The following MYO3B variants were observed in gnomAD, a reference collection of about 807,000 sequenced individuals.
MYO3B encodes the protein myosin-IIIb.
In MYO3B, 156 loss-of-function variants were observed where a neutral mutation model predicts 174.6. The ratio of observed to expected loss-of-function variants is 0.89; its 90% CI spans 0.78 to 1.02. The LOEUF (loss-of-function observed/expected upper bound fraction) is 1.02. Among genes scored for constraint, MYO3B ranks in the 50% least tolerant of loss-of-function variants. The probability of loss-of-function intolerance (pLI) is 0.00; values close to 1 mark genes in which losing one functional copy is unlikely to be tolerated. For missense variants in MYO3B, 1,632 were observed against 1,639.4 expected (o/e 1.00, Z 0.08); for synonymous variants, 563 against 569.1 (o/e 0.99, Z 0.15).
chr2:170,235,385 G>C lies in MYO3B; in HGVS notation c.604-606G>C, dbSNP rs148324571. Among the ~76,000 whole-genome samples, 1,152 of 152,308 alleles carry C rather than the reference G, an allele frequency of 7.6e-3. 2 individuals carry two copies. The highest frequency in any genetic ancestry group is 0.012 in the Non-Finnish European group (827 of 68,022). ...AAGCCCAGGGTCATTTTCTGGTTCT[G>C]CTGCTCTTGTACCTAGTCAGGCCAA... is the stretch of plus-strand genomic sequence containing the variant. On this transcript the variant is annotated intron_variant, in intron 6 of 34. Transcript: ENST00000408978.
Position 170,399,259 on chromosome 2 carries a change from AAAAAAAAGAGAG to A in MYO3B, c.1792-927_1792-916del, listed in dbSNP as rs1319062573. On this transcript the variant is annotated intron_variant, in intron 16 of 34. Coordinates refer to ENST00000408978, the MANE Select transcript of MYO3B (RefSeq NM_138995.5). ...TTCCGTCTCAAAAAAAAAAAAAAAAAAAAAAAAGAGAGAGACCAGTCTGGCCAACAGGGCAAA... is the reference window on the plus strand; with the variant it reads ...TTCCGTCTCAAAAAAAAAAAAAAAAAAGACCAGTCTGGCCAACAGGGCAAA... 1.1e-3 allele frequency among the ~76,000 whole-genome samples: 141 copies of A among 123,740 alleles called. 25 individuals are homozygous for A. The highest frequency in any genetic ancestry group is 1.8e-3 in the Non-Finnish European group (105 of 57,518). 81.2% of individuals were successfully genotyped at this position (123,740 alleles called of 152,430 possible). A position where few individuals can be genotyped will look rare whatever the true frequency, so the allele number is the denominator to read the frequency against.
chr2:170,184,201 C>T (rs558741947), intron 1 of MYO3B, among the ~76,000 whole-genome samples: 7 of 152,204 alleles, frequency 4.6e-5, no homozygotes, highest in African/African-American at 1.4e-4. Context: ...CTTTGTATTA[C>T]AATCTAATTA....
intron 28 of MYO3B, among the ~76,000 whole-genome samples, chr2:170,504,667 A>G (rs1687505914): frequency 6.6e-6 from 1 of 152,180 alleles, no homozygotes; most frequent in South Asian, 2.1e-4. Context: ...GGCGGCCACC[A>G]TTAGGAACTC....
intron 32 of MYO3B, among the ~76,000 whole-genome samples, chr2:170,551,351 T>TAATTAATTA (rs1553520402): frequency 7.5e-6 from 1 of 133,626 alleles, no homozygotes; most frequent in African/African-American, 2.7e-5. Flanking sequence ...TTAATTTAAT[T>TAATTAATTA]ATTTATTTAT....
chr2:170,365,212 A>G (rs2094189680), intron 8 of MYO3B, among the ~76,000 whole-genome samples: 1 of 152,216 alleles, frequency 6.6e-6, no homozygotes, highest in Non-Finnish European at 1.5e-5. Context: ...GAGTTGAGGA[A>G]TTGACCTCAT....
chr2:170,402,077 T>C (rs1227158428), intron 18 of MYO3B, among the ~76,000 whole-genome samples: 2 of 152,224 alleles, frequency 1.3e-5, no homozygotes, highest in Admixed American at 6.5e-5. Context: ...TTTGAGAGAA[T>C]AGTCTTGGCT....
intron 30 of MYO3B, among the ~76,000 whole-genome samples, chr2:170,541,642 C>T (rs941792542): frequency 6.6e-6 from 1 of 152,070 alleles, no homozygotes; most frequent in Non-Finnish European, 1.5e-5. Context: ...TCTTACTGAT[C>T]TACATGGCCC....
intron 32 of MYO3B, among the ~76,000 whole-genome samples, chr2:170,607,851 G>A (rs1172648248): frequency 5.3e-5 from 8 of 152,088 alleles, no homozygotes; most frequent in African/African-American, 7.2e-5. Flanking sequence ...TTTAGTAGAC[G>A]CTCTAGGTAA....
chr2:170,362,976 T>G (rs2094172695), intron 8 of MYO3B, among the ~76,000 whole-genome samples: 1 of 152,218 alleles, frequency 6.6e-6, no homozygotes, highest in Non-Finnish European at 1.5e-5. Context: ...ATATTTAACC[T>G]ATAATTAGTG....
intron 25 of MYO3B, among the ~76,000 whole-genome samples, chr2:170,481,572 C>T (rs1685690511): frequency 6.7e-6 from 1 of 150,314 alleles, no homozygotes; most frequent in African/African-American, 2.4e-5. Flanking sequence ...TGAGATGTTT[C>T]AAAAAAAAAT....
At chr2:170,227,971 G>A (rs1437776892) in intron 6 of MYO3B, among the ~76,000 whole-genome samples, 1 of 152,122 alleles carries the variant, frequency 6.6e-6, no homozygotes, top group Non-Finnish European at 1.5e-5. Flanking sequence ...AATTGTAGAG[G>A]TTCTCCTTGT....
intron 5 of MYO3B, among the ~76,000 whole-genome samples, chr2:170,215,549 C>A (rs1297212890): frequency 9.6e-4 from 146 of 152,076 alleles, no homozygotes; most frequent in African/African-American, 3.3e-3. Flanking sequence ...TTTAGTGAAA[C>A]ACTTTAAACG....
chr2:170,431,730 A>AATTTGTTATCTGTGC (rs1231007305), intron 22 of MYO3B, among the ~76,000 whole-genome samples: 5 of 152,206 alleles, frequency 3.3e-5, no homozygotes, highest in Non-Finnish European at 5.9e-5. Context: ...AAAGAGAGTG[A>AATTTGTTATCTGTGC]ATTTGTTATC....
chr2:170,513,864 A>G (rs1226958895), intron 28 of MYO3B, among the ~76,000 whole-genome samples: 1 of 152,172 alleles, frequency 6.6e-6, no homozygotes, highest in Non-Finnish European at 1.5e-5. Flanking sequence ...AGTCAACCAG[A>G]AGGAGGGAGA....
rs116176749 is a variant in MYO3B, at chr2:170,609,345, C to A, written c.3734-42283C>A. On this transcript the variant is annotated intron_variant, in intron 32 of 34. Transcript: ENST00000408978. ...CGTACATGTCATACAAGCAGGTATT[C>A]CTTCAGGAATCGCCATACATTTTTA... Among the ~76,000 whole-genome samples the A allele has an allele frequency of 3.8e-3, 576 of 152,222 alleles. 3 individuals carry two copies. The highest frequency in any genetic ancestry group is 0.013 in the African/African-American group (528 of 41,532).
chr2:170,281,007 G>A (rs1050851969), intron 7 of MYO3B, among the ~76,000 whole-genome samples: 5 of 151,978 alleles, frequency 3.3e-5, no homozygotes, highest in Non-Finnish European at 4.4e-5. Flanking sequence ...TCCTAGTTCC[G>A]TGAAGAATGT....
At chr2:170,401,006 A>T (rs1459990521) in intron 17 of MYO3B, among the ~76,000 whole-genome samples, 1 of 152,106 alleles carries the variant, frequency 6.6e-6, no homozygotes, top group Non-Finnish European at 1.5e-5. Context: ...CTAAATCAGC[A>T]TATACAGGAG....
intron 32 of MYO3B, among the ~76,000 whole-genome samples, chr2:170,575,686 C>T (rs1692741156): frequency 6.6e-6 from 1 of 152,208 alleles, no homozygotes; most frequent in South Asian, 2.1e-4. Context: ...CTAAAATAGT[C>T]AGTTACCTCT....
chr2:170,469,607 A>C (rs1036766159), intron 25 of MYO3B, among the ~76,000 whole-genome samples: 1 of 152,138 alleles, frequency 6.6e-6, no homozygotes, highest in Non-Finnish European at 1.5e-5. Flanking sequence ...TCTCTTCCAG[A>C]AACTAGGAGT....
Sources: gnomAD v4.1 joint callset for allele counts (sites outside exome capture counted in the v4.1 genomes callset) on GRCh38, gnomAD v4.1.1 for gene constraint, MANE v1.5 for transcripts, NCBI Gene and HGNC (gene_info 2026-07-23, HGNC 2026-07-21) for gene names.